CHM: variants seen among roughly 807,000 people sequenced by gnomAD.
CHM encodes the protein CHM Rab escort protein.
CHM carries 10 observed loss-of-function variants against 49.0 expected under a neutral mutation model. The observed-to-expected ratio is 0.20, with a 90% CI of 0.13 to 0.35. CHM has a LOEUF of 0.35. CHM is among the 10% of genes least tolerant of loss of function. The pLI is 1.00. For synonymous variants in CHM, 184 were observed against 167.5 expected (o/e 1.10, Z -0.76); for missense variants, 455 against 478.4 (o/e 0.95, Z 0.46).
At chrX:86,031,011 T>G (rs943660047) in intron 1 of CHM, among the ~76,000 whole-genome samples, 2 of 111,268 alleles carry the variant, frequency 1.8e-5, no homozygotes, top group Non-Finnish European at 3.8e-5. Flanking sequence ...TGATGGACAT[T>G]TAGGTTGTTT....
At chrX:86,038,510 C>T (rs1459561177) in intron 1 of CHM, among the ~76,000 whole-genome samples, 9 of 112,062 alleles carry the variant, frequency 8.0e-5, no homozygotes. Context: ...TGGGGCACGT[C>T]ATCAGGACCT....
intron 8 of CHM, among the ~76,000 whole-genome samples, chrX:85,937,190 C>T (rs932419636): frequency 3.8e-5 from 4 of 104,111 alleles, no homozygotes; most frequent in Non-Finnish European, 5.8e-5. Flanking sequence ...CACTTGAACC[C>T]GGGAGGCGGA....
chrX:85,921,445 C>A (rs1238188892), intron 8 of CHM, among the ~76,000 whole-genome samples: 1 of 111,734 alleles, frequency 8.9e-6, no homozygotes, highest in African/African-American at 3.3e-5. Flanking sequence ...TAGAGGCAAG[C>A]AAGTATAAAT....
rs775683467 is a variant in CHM, at chrX:85,864,735, G to T, written c.1857C>A (p.Asp619Glu). The change falls in exon 15 of 15, where the codon GAC (aspartate) becomes GAA (glutamate). Residue 619 changes from aspartate (D) to glutamate (E), a missense_variant. Asp to Glu is a conservative substitution (Grantham distance 45). Transcript: ENST00000357749. Reference protein sequence around the residue: ...PNPEDIILDGDSLQPEASESS... With the variant: ...PNPEDIILDGESLQPEASESS... ...ATTCTGAAGCCTCTGGCTGTAAACT[G>T]TCTCCATCAAGGATAATGTCTTCAG... The T allele has an allele frequency of 9.1e-6, 11 of 1,207,058 alleles. No individual in the cohort carries two copies. The highest frequency in any genetic ancestry group is 1.0e-5 in the Non-Finnish European group (9 of 892,185).
chrX:85,913,739 A>C (rs1250383709), intron 8 of CHM, among the ~76,000 whole-genome samples: 2 of 111,289 alleles, frequency 1.8e-5, no homozygotes, highest in African/African-American at 6.5e-5. Context: ...ATGATGACAG[A>C]AGTGGCATTA....
chrX:85,904,839 A>G (rs1926493577), intron 9 of CHM, among the ~76,000 whole-genome samples: 2 of 111,556 alleles, frequency 1.8e-5, no homozygotes, highest in Admixed American at 9.5e-5. Context: ...TTCTGTATCC[A>G]TATTTGTAAT....
At chrX:85,957,705 G>C (rs1435065815) in intron 7 of CHM, 150 bp downstream of exon 7, 1 of 571,863 alleles carries the variant, frequency 1.7e-6, no homozygotes, top group African/African-American at 2.4e-5. Context: ...AATTTAAATA[G>C]CTAAATGTTA....
intron 8 of CHM, among the ~76,000 whole-genome samples, chrX:85,933,004 G>T (rs1331966403): frequency 9.0e-6 from 1 of 111,301 alleles, no homozygotes; most frequent in Non-Finnish European, 1.9e-5. Flanking sequence ...TCAGAAGTCT[G>T]TCTCTCAATT....
intron 8 of CHM, among the ~76,000 whole-genome samples, chrX:85,935,211 G>C (rs1490460261): frequency 9.0e-6 from 1 of 110,992 alleles, no homozygotes; most frequent in African/African-American, 3.3e-5. Context: ...AGGAGGCCAG[G>C]TTCTTTAACA....
intron 8 of CHM, among the ~76,000 whole-genome samples, chrX:85,949,152 TA>T (rs1320259003): frequency 3.7e-4 from 41 of 112,028 alleles, no homozygotes; most frequent in African/African-American, 1.3e-3. Flanking sequence ...ATCTCAGCCT[TA>T]AGGTTACAAC....
chrX:86,036,885 T>C (rs994537131), intron 1 of CHM, among the ~76,000 whole-genome samples: 7 of 111,198 alleles, frequency 6.3e-5, no homozygotes, highest in African/African-American at 2.3e-4. Flanking sequence ...TTGATAACTG[T>C]TGAAACTGGG....
chrX:85,926,944 A>G (rs1395528975), intron 8 of CHM, among the ~76,000 whole-genome samples: 1 of 112,169 alleles, frequency 8.9e-6, no homozygotes, highest in African/African-American at 3.2e-5. Context: ...GCCATTTAAT[A>G]CCAAGATAAT....
At chrX:86,046,144 T>C (rs1480721459) in intron 1 of CHM, among the ~76,000 whole-genome samples, 3 of 112,330 alleles carry the variant, frequency 2.7e-5, no homozygotes, top group African/African-American at 9.7e-5. Context: ...AGAGATTTAG[T>C]GCCTGGCCCT....
At chrX:86,042,280 C>A (rs960733648) in intron 1 of CHM, among the ~76,000 whole-genome samples, 1 of 111,492 alleles carries the variant, frequency 9.0e-6, no homozygotes, top group African/African-American at 3.3e-5. Context: ...CTTTTCTAAT[C>A]AGTCACTGTA....
intron 8 of CHM, among the ~76,000 whole-genome samples, chrX:85,951,871 T>C (rs1929768145): frequency 8.9e-6 from 1 of 112,352 alleles, no homozygotes; most frequent in Admixed American, 9.4e-5. Flanking sequence ...TCCACGGCAG[T>C]GGCCACATGG....
intron 11 of CHM, among the ~76,000 whole-genome samples, chrX:85,895,481 A>G (rs1925774094): frequency 9.0e-6 from 1 of 111,182 alleles, no homozygotes; most frequent in South Asian, 3.7e-4. Flanking sequence ...AAGTTTCAAT[A>G]CTAATCCTCA....
chrX:86,025,846 T>C (rs1043329896), intron 2 of CHM, among the ~76,000 whole-genome samples: 1 of 111,027 alleles, frequency 9.0e-6, no homozygotes, highest in Non-Finnish European at 1.9e-5. Context: ...ATTTGTCAAA[T>C]TGGGATAACA....
At chrX:86,023,166 T>C (rs1027843504) in intron 2 of CHM, among the ~76,000 whole-genome samples, 2 of 111,871 alleles carry the variant, frequency 1.8e-5, no homozygotes, top group African/African-American at 3.2e-5. Flanking sequence ...CATCTGATCA[T>C]TTAATTCCTC....
At chrX:85,930,840 C>A (rs1196490599) in intron 8 of CHM, among the ~76,000 whole-genome samples, 1 of 112,053 alleles carries the variant, frequency 8.9e-6, no homozygotes, top group Non-Finnish European at 1.9e-5. Flanking sequence ...ATCAGAATTT[C>A]TTCCTTTGCC....
Sources: allele counts gnomAD v4.1 joint callset (sites outside exome capture counted in the v4.1 genomes callset), GRCh38; gene constraint gnomAD v4.1.1; transcripts MANE v1.5; gene names NCBI Gene and HGNC (gene_info 2026-07-23, HGNC 2026-07-21).